The following ZFR2 variants were observed in gnomAD, a reference collection of about 807,000 sequenced individuals.
ZFR2 encodes zinc finger RNA binding protein 2, also known as zinc finger RNA-binding protein 2.
Under a neutral mutation model 105.7 loss-of-function variants are expected in ZFR2, and 104 were observed. That is an observed-to-expected ratio of 0.98 (90% CI 0.84 to 1.16). ZFR2 has a LOEUF of 1.16. ZFR2 is among the 50% of genes most tolerant of loss of function. ZFR2 has a pLI of 0.00. For missense variants in ZFR2, 1,425 were observed against 1,355.5 expected (o/e 1.05, Z -0.80); for synonymous variants, 634 against 597.7 (o/e 1.06, Z -0.89).
rs1395267675 is a variant in ZFR2 at position 3,831,835 on chromosome 19, G to A, written c.423C>T (p.His141=). Residue 141 remains histidine, a synonymous_variant, in exon 4 of 19, where the codon CAC becomes CAT. Coordinates refer to ENST00000262961, the MANE Select transcript of ZFR2 (RefSeq NM_015174.2). ...CCTGCTGTGGGGGCTGAGCGTGGCT[G>A]TGACTGCCATGGGGGCTGGGCTGCC... ...ACGQPSPHGS[H]SHAQPPQQAP... 3 of 1,605,080 alleles carry A rather than the reference G, an allele frequency of 1.9e-6. No individual in the cohort carries two copies. Among genetic ancestry groups the A allele is most frequent in the East Asian group, 2.2e-5 (1 of 44,840 alleles).
Position 3,816,821 on chromosome 19 carries a change from G to A in ZFR2, c.1956C>T (p.Val652=). 1 of 1,573,896 alleles carries A rather than the reference G, an allele frequency of 6.4e-7. No individual in the cohort carries two copies. Among genetic ancestry groups the A allele is most frequent in the Non-Finnish European group, 8.6e-7 (1 of 1,160,984 alleles). The change falls in exon 13 of 19, where the codon GTC becomes GTT. Residue 652 remains valine (V), a synonymous_variant. Coordinates refer to ENST00000262961, the MANE Select transcript of ZFR2 (RefSeq NM_015174.2). ...TGCCTACTCGCATGACGCCTTTCAG[G>A]ACCCGAGTCTGGGGGGCAACGCTGC... ...KRSSVAPQTR[V]LKGVMRVGIL... is the part of the protein sequence containing the mutation.
At chr19:3,849,301 G>C (rs902372296) in intron 1 of ZFR2, among the ~76,000 whole-genome samples, 8 of 152,252 alleles carry the variant, frequency 5.3e-5, no homozygotes, top group African/African-American at 1.9e-4. Flanking sequence ...TCCGCACACA[G>C]CTTTGTCTCC....
At chr19:3,866,470 C>T (rs531557593) in intron 1 of ZFR2, among the ~76,000 whole-genome samples, 236 of 21,176 alleles carry the variant, frequency 0.011, 2 homozygotes, top group Non-Finnish European at 0.014. Flanking sequence ...TATACTGTAT[C>T]ACCTAAGCCA....
At chr19:3,855,641 C>T (rs1203314573) in intron 1 of ZFR2, 2 of 407,658 alleles carry the variant, frequency 4.9e-6, no homozygotes, top group Non-Finnish European at 8.4e-6. Flanking sequence ...GGGAAGGACG[C>T]GGCAAGGGGG....
At position 3,819,049 on chromosome 19, in the gene ZFR2, G is replaced by C. The variant is rs778103708; in HGVS notation, c.1927C>G (p.Arg643Gly). ...GGGAAGGGGATCTCCAATGACCTGC[G>C]CTTGTCACCCTCTTCCTCTCGGCGG... Reference protein sequence around the residue: ...RGRREEEGDKRSSVAPQTRVL... With the variant: ...RGRREEEGDKGSSVAPQTRVL... The change falls in exon 12 of 19, where the codon CGC (arginine) becomes GGC (glycine). Residue 643 changes from arginine (R) to glycine (G), a missense_variant. Physicochemically the swap from Arg to Gly is moderately radical, Grantham distance 125. Coordinates refer to ENST00000262961, the MANE Select transcript of ZFR2 (RefSeq NM_015174.2). 1 of 1,612,038 alleles carries C rather than the reference G, an allele frequency of 6.2e-7. No individual in the cohort carries two copies. The highest frequency in any genetic ancestry group is 8.5e-7 in the Non-Finnish European group (1 of 1,179,660).
intron 17 of ZFR2, among the ~76,000 whole-genome samples, 198 bp downstream of exon 17, chr19:3,808,674 G>A (rs1405669404): frequency 6.6e-6 from 1 of 152,260 alleles, no homozygotes; most frequent in Non-Finnish European, 1.5e-5. Flanking sequence ...TCTGTGCCCT[G>A]CGTGCAGGGT....
Position 3,827,621 on chromosome 19 carries a change from G to A in ZFR2, c.885C>T (p.His295=). 2 of 1,584,134 alleles carry A rather than the reference G, an allele frequency of 1.3e-6. No homozygotes were observed. The highest frequency in any genetic ancestry group is 1.7e-6 in the Non-Finnish European group (2 of 1,165,694). The stretch of plus-strand genomic sequence containing the variant: ...TCTTCTGGGCCGCCTCCTTCTTTCT[G>A]TGCTTCTGCCCTCCCAGATGTTCCC... ...TYREHLGGQK[H]RKKEAAQKTG... Residue 295 remains histidine (H), a synonymous_variant, in exon 6 of 19, where the codon CAC becomes CAT. Coordinates refer to ENST00000262961, the MANE Select transcript of ZFR2 (RefSeq NM_015174.2).
At chr19:3,846,754 T>C (rs1237218398) in intron 1 of ZFR2, among the ~76,000 whole-genome samples, 1 of 152,238 alleles carries the variant, frequency 6.6e-6, no homozygotes, top group Non-Finnish European at 1.5e-5. Flanking sequence ...TTTCCTTAAT[T>C]ACATAAGCAG....
chr19:3,860,088 T>G (rs147770556), intron 1 of ZFR2, among the ~76,000 whole-genome samples: 5 of 152,154 alleles, frequency 3.3e-5, no homozygotes, highest in Non-Finnish European at 7.4e-5. Context: ...TGGAGTGCAG[T>G]AGCACAATCA....
rs77211595 is a variant in ZFR2, at chr19:3,860,733, G to A, written c.53+8232C>T. On this transcript the variant is annotated intron_variant, in intron 1 of 18. Transcript: ENST00000262961. ...AAGCGACAGAATTTCCAACAGCATC[G>A]GCTCACTACGGCAACACCTTTTTAC... 3.0e-4 allele frequency among the ~76,000 whole-genome samples: 46 copies of A among 152,252 alleles called. No homozygotes were observed. The East Asian group carries it at 8.3e-3, about 27-fold the overall frequency.
rs2038468623 is a variant in ZFR2 at position 3,868,996 on chromosome 19, C to G, written c.22G>C (p.Asp8His). ...TGCGGGCCGCCGCCCTGCGCGAAGT[C>G]GAAATACTGACTCGTCGCCATCTTG... The part of the protein sequence containing the change: MATSQYF[D>H]FAQGGGPQYS... Residue 8 changes from aspartate (D) to histidine (H), a missense_variant, in exon 1 of 19, where the codon GAC (aspartate) becomes CAC (histidine). Physicochemically the swap from Asp to His is moderately conservative, Grantham distance 81. Transcript: ENST00000262961. 1.4e-6 allele frequency: 2 copies of G among 1,379,452 alleles called. No homozygotes were observed. The highest frequency in any genetic ancestry group is 1.9e-6 in the Non-Finnish European group (2 of 1,056,704). 85.5% of individuals were successfully genotyped at this position (1,379,452 alleles called of 1,614,324 possible).
chr19:3,833,614 C>A lies in ZFR2; in HGVS notation c.379+50G>T, dbSNP rs941507534. 3 of 1,393,786 alleles carry A rather than the reference C, an allele frequency of 2.2e-6. No homozygotes were observed. In the African/African-American group the frequency reaches 4.3e-5, roughly 20 times the overall value. The allele number at this position is 1,393,786 out of a possible 1,614,324, so 86.3% of individuals were successfully genotyped here. On this transcript the variant is annotated intron_variant, in intron 3 of 18. Coordinates refer to ENST00000262961, the MANE Select transcript of ZFR2 (RefSeq NM_015174.2). ...GTAAGTTTCCCAAGGTTTCCCTGTG[C>A]TGCGGGGAGCGTCTCCTCGTTCCCA...
chr19:3,826,835 A>G (rs112929371), intron 6 of ZFR2, among the ~76,000 whole-genome samples: 3 of 152,138 alleles, frequency 2.0e-5, no homozygotes, highest in Non-Finnish European at 4.4e-5. Flanking sequence ...GGGTCTCATC[A>G]CAGGGCAAGC....
At chr19:3,852,590 C>T (rs757696029) in intron 1 of ZFR2, 18 of 718,326 alleles carry the variant, frequency 2.5e-5, no homozygotes, top group Non-Finnish European at 3.6e-5. Flanking sequence ...ATGCAAGGGC[C>T]GGGGGAGTGG....
At chr19:3,829,344 T>G (rs1040694261) in intron 5 of ZFR2, among the ~76,000 whole-genome samples, 1 of 151,856 alleles carries the variant, frequency 6.6e-6, no homozygotes, top group African/African-American at 2.4e-5. Flanking sequence ...CATACTAACT[T>G]AGAAAGAGAG....
At chr19:3,859,207 T>C (rs1016180100) in intron 1 of ZFR2, among the ~76,000 whole-genome samples, 1 of 152,188 alleles carries the variant, frequency 6.6e-6, no homozygotes, top group African/African-American at 2.4e-5. Context: ...TCTCCCATGC[T>C]GGGTGCCTCC....
intron 1 of ZFR2, among the ~76,000 whole-genome samples, chr19:3,848,083 C>T (rs1010306322): frequency 6.6e-6 from 1 of 152,210 alleles, no homozygotes; most frequent in African/African-American, 2.4e-5. Flanking sequence ...AGCTCTAGAG[C>T]CCTTTGGACT....
chr19:3,823,490 C>T lies in ZFR2; in HGVS notation c.1214-87G>A, dbSNP rs1263123161. ...CCGCCAGGCGGCATGGGGTGGAGAG[C>T]CACCCAGACTGCAGGCTGTGCCATC... On this transcript the variant is annotated intron_variant, in intron 7 of 18. Coordinates refer to ENST00000262961, the MANE Select transcript of ZFR2 (RefSeq NM_015174.2). This position sits in a 1 kb window ranked among gnomAD's most constrained non-coding sequence, Gnocchi z 5.4. 2.9e-6 allele frequency: 4 copies of T among 1,376,152 alleles called. No homozygotes were observed. The highest frequency in any genetic ancestry group is 3.9e-6 in the Non-Finnish European group (4 of 1,022,290). 85.2% of individuals were successfully genotyped at this position (1,376,152 alleles called of 1,614,324 possible). A position where few individuals can be genotyped will look rare whatever the true frequency, so the allele number is the denominator to read the frequency against.
chr19:3,815,802 A>G (rs1383739492), intron 13 of ZFR2, among the ~76,000 whole-genome samples: 2 of 144,576 alleles, frequency 1.4e-5, no homozygotes, highest in African/African-American at 2.6e-5. Flanking sequence ...CCCAGGCTGG[A>G]GTGCAGTGGC....
Sources: allele counts gnomAD v4.1 joint callset (sites outside exome capture counted in the v4.1 genomes callset), GRCh38; gene constraint gnomAD v4.1.1; non-coding constraint Gnocchi (gnomAD v3.1); transcripts MANE v1.5; gene names NCBI Gene and HGNC (gene_info 2026-07-23, HGNC 2026-07-21).